ADGRG6: variants seen among roughly 807,000 people sequenced by gnomAD.
The protein encoded by ADGRG6 is G-protein coupled receptor 126.
ADGRG6 carries 84 observed loss-of-function variants against 142.4 expected under a neutral mutation model. The ratio of observed to expected loss-of-function variants is 0.59; its 90% CI spans 0.49 to 0.71. ADGRG6 has a LOEUF of 0.71. Ranked by LOEUF, ADGRG6 falls within the 30% of genes least tolerant of loss-of-function variation. ADGRG6 has a pLI of 0.00. For synonymous variants in ADGRG6, 521 were observed against 520.5 expected (o/e 1.00, Z -0.01); for missense variants, 1,367 against 1,466.6 (o/e 0.93, Z 1.11).
intron 22 of ADGRG6, among the ~76,000 whole-genome samples, chr6:142,427,929 C>G (rs533981963): frequency 1.3e-5 from 2 of 152,318 alleles, no homozygotes; most frequent in African/African-American, 4.8e-5. Context: ...CCAGGTTCCT[C>G]TCACGGTGTG....
intron 22 of ADGRG6, among the ~76,000 whole-genome samples, chr6:142,432,644 A>C (rs535691821): frequency 1.3e-5 from 2 of 152,306 alleles, no homozygotes; most frequent in East Asian, 1.9e-4. Context: ...ATGTCATTTA[A>C]TGTTATATAA....
intron 2 of ADGRG6, among the ~76,000 whole-genome samples, chr6:142,310,605 A>C (rs1295632444): frequency 1.3e-5 from 2 of 151,860 alleles, no homozygotes; most frequent in Non-Finnish European, 2.9e-5. Flanking sequence ...TTCACGCATC[A>C]AGAAATTAAA....
At chr6:142,310,299 G>A (rs1777702344) in intron 2 of ADGRG6, among the ~76,000 whole-genome samples, 1 of 151,718 alleles carries the variant, frequency 6.6e-6, no homozygotes, top group African/African-American at 2.4e-5. Context: ...GAATGTGAAT[G>A]ATATCTAAAA....
chr6:142,408,495 GGAAGT>G (rs1218044406), intron 16 of ADGRG6, among the ~76,000 whole-genome samples: 6 of 152,132 alleles, frequency 3.9e-5, no homozygotes, highest in African/African-American at 1.4e-4. Context: ...GAAAGAGAAG[GGAAGT>G]GAAGAGAAGG....
chr6:142,318,004 A>ATT (rs1778227613), intron 2 of ADGRG6, among the ~76,000 whole-genome samples: 1 of 45,126 alleles, frequency 2.2e-5, no homozygotes, highest in African/African-American at 1.0e-4. Context: ...TATATTATAT[A>ATT]TAATATTTAT....
At position 142,382,005 on chromosome 6, in the gene ADGRG6, G is replaced by A. The variant is rs772921039; in HGVS notation, c.1124G>A (p.Gly375Glu). 6.2e-7 allele frequency: 1 copy of A among 1,601,924 alleles called. No individual in the cohort carries two copies. The highest frequency in any genetic ancestry group is 8.5e-7 in the Non-Finnish European group (1 of 1,172,112). ...GAACTGGCCAGCTGTGCAGACCTGG[G>A]GACCCTCTGTCAAGGTAGGGAGCCC... is the stretch of plus-strand genomic sequence containing the variant. ...AAELASCADL[G>E]TLCQATVNSP... is the part of the protein sequence containing the mutation. The change falls in exon 5 of 25, where the codon GGG becomes GAG. Residue 375 changes from glycine (G) to glutamate (E), a missense_variant. Coordinates refer to ENST00000367609, the MANE Select transcript of ADGRG6 (RefSeq NM_198569.3).
chr6:142,369,549 T>A (rs1781122776), intron 3 of ADGRG6, among the ~76,000 whole-genome samples: 2 of 152,134 alleles, frequency 1.3e-5, no homozygotes, highest in Non-Finnish European at 2.9e-5. Flanking sequence ...AAAACTGGCT[T>A]ATATGCCTGG....
chr6:142,367,854 C>G lies in ADGRG6; in HGVS notation c.389C>G (p.Ser130Cys), dbSNP rs370942737. The change falls in exon 3 of 25, where the codon TCC becomes TGC. Residue 130 changes from serine to cysteine, a missense_variant. This residue lies in a region of ADGRG6 where 737 missense variants were observed against 746.5 expected (regional missense o/e 0.99). Coordinates refer to ENST00000367609, the MANE Select transcript of ADGRG6 (RefSeq NM_198569.3). The part of the protein sequence containing the change: ...FNSSANEMHV[S>C]FSSDFSIQKK... ...TCAAGTGCGAATGAGATGCATGTGT[C>G]CTTTTCAAGTGACTTTAGCATCCAG... The G allele has an allele frequency of 3.7e-6, 6 of 1,613,336 alleles. No homozygotes were observed. Among genetic ancestry groups the G allele is most frequent in the Non-Finnish European group, 4.2e-6 (5 of 1,179,792 alleles).
intron 2 of ADGRG6, among the ~76,000 whole-genome samples, chr6:142,314,296 G>A (rs1029497101): frequency 3.3e-5 from 5 of 152,256 alleles, no homozygotes; most frequent in East Asian, 3.9e-4. Flanking sequence ...CAAGTGACCC[G>A]CAGTGTGATG....
intron 2 of ADGRG6, among the ~76,000 whole-genome samples, chr6:142,352,715 G>T (rs143294224): frequency 3.3e-5 from 5 of 152,214 alleles, no homozygotes; most frequent in African/African-American, 1.2e-4. Flanking sequence ...TAGACATGCT[G>T]CCTGACCACA....
At chr6:142,392,456 A>G (rs909128321) in intron 7 of ADGRG6, among the ~76,000 whole-genome samples, 3 of 151,798 alleles carry the variant, frequency 2.0e-5, no homozygotes, top group Non-Finnish European at 2.9e-5. Context: ...AATTTTTCTT[A>G]TTACTAATAT....
chr6:142,342,173 C>T (rs1779689652), intron 2 of ADGRG6, among the ~76,000 whole-genome samples: 1 of 151,790 alleles, frequency 6.6e-6, no homozygotes, highest in African/African-American at 2.4e-5. Context: ...TGGAGAGATA[C>T]AGCAAATGGA....
At chr6:142,362,094 T>C (rs1780753234) in intron 2 of ADGRG6, among the ~76,000 whole-genome samples, 1 of 152,206 alleles carries the variant, frequency 6.6e-6, no homozygotes, top group Admixed American at 6.5e-5. Context: ...ATTAACAGTA[T>C]TACAGAAGAA....
intron 2 of ADGRG6, among the ~76,000 whole-genome samples, chr6:142,335,139 T>C (rs1455084393): frequency 6.6e-6 from 1 of 152,178 alleles, no homozygotes; most frequent in Non-Finnish European, 1.5e-5. Flanking sequence ...TTACAGGTGA[T>C]CGGAGGATAG....
At chr6:142,338,229 C>T (rs1034886625) in intron 2 of ADGRG6, among the ~76,000 whole-genome samples, 1 of 150,584 alleles carries the variant, frequency 6.6e-6, no homozygotes, top group African/African-American at 2.4e-5. Context: ...ACCGTGGTCT[C>T]GATCTCCTGA....
intron 2 of ADGRG6, among the ~76,000 whole-genome samples, chr6:142,343,113 G>A (rs117413895): frequency 0.019 from 2,928 of 151,730 alleles, 61 homozygotes; most frequent in Non-Finnish European, 0.028. Flanking sequence ...TGCATTCTCT[G>A]CAAAATCAGA....
At chr6:142,336,436 T>C (rs574503090) in intron 2 of ADGRG6, among the ~76,000 whole-genome samples, 1 of 152,274 alleles carries the variant, frequency 6.6e-6, no homozygotes, top group East Asian at 1.9e-4. Context: ...TTGGAGTACT[T>C]AAAGGTTTGC....
chr6:142,327,686 G>A (rs901533125), intron 2 of ADGRG6, among the ~76,000 whole-genome samples: 1 of 151,950 alleles, frequency 6.6e-6, no homozygotes, highest in Non-Finnish European at 1.5e-5. Context: ...TCTATAAAGG[G>A]TAAGCTCTTT....
intron 24 of ADGRG6, among the ~76,000 whole-genome samples, chr6:142,441,869 C>A (rs1777770531): frequency 6.6e-6 from 1 of 152,166 alleles, no homozygotes; most frequent in African/African-American, 2.4e-5. Context: ...CTTTTCCTTG[C>A]CGACATTGGA....
Sources: gnomAD v4.1 joint callset for allele counts (sites outside exome capture counted in the v4.1 genomes callset) on GRCh38, gnomAD v4.1.1 for gene constraint, gnomAD v4.1.1 regional missense constraint, MANE v1.5 for transcripts, NCBI Gene and HGNC (gene_info 2026-07-23, HGNC 2026-07-21) for gene names.